Variants in GLIS3 observed in about 807,000 individuals in gnomAD.
GLIS3 encodes the protein zinc finger protein GLIS3.
GLIS3 carries 53 observed loss-of-function variants against 78.6 expected under a neutral mutation model. The observed-to-expected ratio is 0.67, with a 90% CI of 0.54 to 0.85. The LOEUF (loss-of-function observed/expected upper bound fraction) is 0.85. Ranked by LOEUF, GLIS3 falls within the 40% of genes least tolerant of loss-of-function variation. GLIS3 has a pLI of 0.00. For missense variants in GLIS3, 1,703 were observed against 1,231.1 expected (o/e 1.38, Z -5.74); for synonymous variants, 684 against 509.9 (o/e 1.34, Z -4.60).
intron 2 of GLIS3, among the ~76,000 whole-genome samples, chr9:4,159,854 G>A (rs529893921): frequency 6.6e-5 from 10 of 152,320 alleles, no homozygotes; most frequent in African/African-American, 2.4e-4. Flanking sequence ...CAGGAGTTAA[G>A]ACGGCAAGCC....
chr9:4,466,336 G>C, the GLIS3 span, among the ~76,000 whole-genome samples: 6 of 152,150 alleles, frequency 3.9e-5, no homozygotes, highest in Non-Finnish European at 5.9e-5. Context: ...AGAAACTCCA[G>C]GCCCAGATGG....
chr9:4,011,422 G>T (rs1821999140), intron 4 of GLIS3, among the ~76,000 whole-genome samples: 2 of 152,184 alleles, frequency 1.3e-5, no homozygotes, highest in African/African-American at 4.8e-5. Flanking sequence ...TTGTTACGAG[G>T]CACTCGGCAT....
the GLIS3 span, among the ~76,000 whole-genome samples, chr9:4,355,787 G>T: frequency 6.6e-6 from 1 of 152,108 alleles, no homozygotes; most frequent in African/African-American, 2.4e-5. Context: ...ACTGAGCATT[G>T]CACCTATACA....
intron 6 of GLIS3, among the ~76,000 whole-genome samples, chr9:3,920,064 C>T (rs1008735655): frequency 7.0e-6 from 1 of 142,728 alleles, no homozygotes; most frequent in African/African-American, 2.7e-5. Flanking sequence ...AGTGCAGTGG[C>T]ACGGTCTCGG....
At chr9:4,300,982 C>T (rs769547149), upstream of GLIS3, among the ~76,000 whole-genome samples, 14 of 151,938 alleles carry the variant, frequency 9.2e-5, no homozygotes, top group Non-Finnish European at 1.6e-4. Flanking sequence ...CTACTGTTAC[C>T]ACTCCAATAT....
chr9:4,167,099 A>G (rs1275296668), intron 2 of GLIS3, among the ~76,000 whole-genome samples: 1 of 151,770 alleles, frequency 6.6e-6, no homozygotes, highest in Non-Finnish European at 1.5e-5. Context: ...AGGGATAAAG[A>G]TCATGCCTAA....
chr9:3,873,044 T>G (rs577860740), intron 8 of GLIS3, among the ~76,000 whole-genome samples: 1 of 151,668 alleles, frequency 6.6e-6, no homozygotes, highest in South Asian at 2.1e-4. Context: ...AAGGAAGAAA[T>G]AAAAAACCTG....
chr9:4,059,866 G>GAA (rs1491133362), intron 4 of GLIS3, among the ~76,000 whole-genome samples: 1 of 148,002 alleles, frequency 6.8e-6, no homozygotes, highest in Admixed American at 6.8e-5. Flanking sequence ...GAGAGAGAGA[G>GAA]AAAGAGAGAG....
chr9:4,103,648 G>C (rs1274431244), intron 4 of GLIS3, among the ~76,000 whole-genome samples: 2 of 152,138 alleles, frequency 1.3e-5, no homozygotes, highest in African/African-American at 2.4e-5. Context: ...GTTTCTCAGA[G>C]TGTCTGCTTA....
chr9:4,267,914 C>T (rs936277716), intron 2 of GLIS3, among the ~76,000 whole-genome samples: 3 of 151,248 alleles, frequency 2.0e-5, no homozygotes, highest in Admixed American at 6.6e-5. Flanking sequence ...CATCCATCCA[C>T]GGATAAGTAA....
At chr9:4,089,558 G>C (rs1829317027) in intron 4 of GLIS3, among the ~76,000 whole-genome samples, 1 of 152,158 alleles carries the variant, frequency 6.6e-6, no homozygotes, top group South Asian at 2.1e-4. Context: ...ATGTGTAGTG[G>C]CTCACACCTG....
chr9:4,380,477 A>T, the GLIS3 span, among the ~76,000 whole-genome samples: 2 of 152,230 alleles, frequency 1.3e-5, no homozygotes, highest in Admixed American at 6.5e-5. Context: ...GAAGATAAAA[A>T]TTTAAATGTC....
the GLIS3 span, among the ~76,000 whole-genome samples, chr9:4,472,434 A>C: frequency 2.0e-5 from 3 of 152,382 alleles, no homozygotes; most frequent in East Asian, 1.9e-4. Flanking sequence ...GCCATAAAAA[A>C]GGATGAATTC....
At chr9:4,102,377 T>A (rs908227644) in intron 4 of GLIS3, among the ~76,000 whole-genome samples, 2 of 152,176 alleles carry the variant, frequency 1.3e-5, no homozygotes, top group African/African-American at 4.8e-5. Context: ...AGGCACTGAC[T>A]GAAATCTCAG....
chr9:3,858,791 G>T (rs1190002300), intron 8 of GLIS3, among the ~76,000 whole-genome samples: 1 of 152,126 alleles, frequency 6.6e-6, no homozygotes, highest in African/African-American at 2.4e-5. Flanking sequence ...CCAGACAATT[G>T]CTAGGAACAA....
intron 2 of GLIS3, among the ~76,000 whole-genome samples, chr9:4,189,822 C>T (rs577845359): frequency 1.3e-5 from 2 of 151,228 alleles, no homozygotes; most frequent in African/African-American, 2.5e-5. Flanking sequence ...GCAACCCCTG[C>T]CTTTTTTTTT....
At chr9:3,917,525 T>C (rs927708285) in intron 6 of GLIS3, among the ~76,000 whole-genome samples, 1 of 152,176 alleles carries the variant, frequency 6.6e-6, no homozygotes. Context: ...TTTTAACTTC[T>C]ATTCTTAAAG....
chr9:4,098,933 A>C (rs1485228050), intron 4 of GLIS3, among the ~76,000 whole-genome samples: 1 of 152,170 alleles, frequency 6.6e-6, no homozygotes, highest in East Asian at 1.9e-4. Context: ...AACTCCCAAT[A>C]GTCAGCTTCA....
the GLIS3 span, among the ~76,000 whole-genome samples, chr9:4,476,547 G>T: frequency 6.6e-6 from 1 of 151,586 alleles, no homozygotes; most frequent in African/African-American, 2.4e-5. Context: ...TTTTTAGTAA[G>T]GATGGGGTTT....
Sources: allele counts gnomAD v4.1 joint callset (sites outside exome capture counted in the v4.1 genomes callset), GRCh38; gene constraint gnomAD v4.1.1; transcripts MANE v1.5; gene names NCBI Gene and HGNC (gene_info 2026-07-23, HGNC 2026-07-21).